The following SENP5 variants were observed in gnomAD, a reference collection of about 807,000 sequenced individuals.
SENP5 encodes sentrin-specific protease 5.
A neutral mutation model predicts 74.2 loss-of-function variants in SENP5; 21 were observed. The observed-to-expected ratio is 0.28, with a 90% CI of 0.20 to 0.41. SENP5 has a LOEUF of 0.41. Ranked by LOEUF, SENP5 falls within the 10% of genes least tolerant of loss-of-function variation. The pLI, the probability that SENP5 is intolerant of heterozygous loss-of-function variation, is 1.00. For synonymous variants in SENP5, 311 were observed against 312.7 expected, an observed-to-expected ratio of 0.99 and a Z score of 0.06; for missense variants, 717 against 889.1, an observed-to-expected ratio of 0.81 and a Z score of 2.46.
At chr3:196,900,272 G>T in intron 4 of SENP5, 93 bp from the exon 5 acceptor site, 1 of 1,243,596 alleles carries the variant, frequency 8.0e-7, no homozygotes. Flanking sequence ...ATTGTATAGG[G>T]TTAGTAGCCT....
chr3:196,889,190 A>T (rs1714103344), intron 2 of SENP5, among the ~76,000 whole-genome samples: 1 of 151,822 alleles, frequency 6.6e-6, no homozygotes. Context: ...AGTCCTAGCA[A>T]ATTAAAAAAA....
intron 7 of SENP5, among the ~76,000 whole-genome samples, chr3:196,925,467 A>G (rs1715778980): frequency 6.6e-6 from 1 of 152,210 alleles, no homozygotes; most frequent in African/African-American, 2.4e-5. Flanking sequence ...TCCTAGACAG[A>G]CCTGCAAAGG....
Position 196,932,800 on chromosome 3 carries a change from G to A in SENP5, c.*1877G>A, listed in dbSNP as rs1004212315. The A allele has an allele frequency of 4.8e-5, 6 of 124,072 alleles. No homozygotes were observed. Among genetic ancestry groups the A allele is most frequent in the African/African-American group, 1.9e-4 (6 of 31,292 alleles). 7.7% of individuals were successfully genotyped at this position (124,072 alleles called of 1,614,324 possible). The stretch of plus-strand genomic sequence containing the variant: ...AAAGTAGCCAGTCACTGGGCTGTCA[G>A]TTCAAAATGTCTTGTACTTCAGAGT... On this transcript the variant is annotated 3_prime_UTR_variant, in exon 10 of 10. Transcript: ENST00000323460.
rs761067843 is a variant in SENP5 at position 196,929,614 on chromosome 3, A to C, written c.2107-19A>C. 4.8e-6 allele frequency: 7 copies of C among 1,470,972 alleles called. No individual in the cohort carries two copies. The highest frequency in any genetic ancestry group is 6.5e-6 in the Non-Finnish European group (7 of 1,070,294). 91.1% of individuals were successfully genotyped at this position (1,470,972 alleles called of 1,614,324 possible). ...AGTAATGGATCTTGTTTTAATGACT[A>C]TTTTGTTTTTCCCTTCAGTGTATTC... On this transcript the variant is annotated intron_variant, in intron 8 of 9. Coordinates refer to ENST00000323460, the MANE Select transcript of SENP5 (RefSeq NM_152699.5).
intron 6 of SENP5, among the ~76,000 whole-genome samples, chr3:196,905,725 C>G (rs150972712): frequency 6.6e-6 from 1 of 152,106 alleles, no homozygotes; most frequent in African/African-American, 2.4e-5. Flanking sequence ...CAGAAGCTCT[C>G]CCAGTGCAGT....
chr3:196,914,605 A>ATATATATG (rs1553825414), intron 6 of SENP5: 6 of 122,486 alleles, frequency 4.9e-5, no homozygotes, highest in African/African-American at 1.6e-4. Flanking sequence ...ATATATATAT[A>ATATATATG]TATATATGTC....
In SENP5 at chr3:196,887,027, C is replaced by T. The variant is rs185287300; in HGVS notation, c.1513+333C>T. 1.1e-4 allele frequency among the ~76,000 whole-genome samples: 16 copies of T among 152,242 alleles called. No individual in the cohort carries two copies. The East Asian group carries it at 2.7e-3, about 26-fold the overall frequency. On this transcript the variant is annotated intron_variant, in intron 2 of 9. Coordinates refer to ENST00000323460, the MANE Select transcript of SENP5 (RefSeq NM_152699.5). Reference sequence around the variant, plus strand: ...TTAAAATTTTAAGATAATTAAGTTACCCTCCAAAAAGTTGAACCAGTTTAC... The same window carrying T: ...TTAAAATTTTAAGATAATTAAGTTATCCTCCAAAAAGTTGAACCAGTTTAC...
chr3:196,903,330 G>A (rs1714776327), intron 5 of SENP5, among the ~76,000 whole-genome samples: 1 of 152,170 alleles, frequency 6.6e-6, no homozygotes, highest in African/African-American at 2.4e-5. Context: ...AGGAGAGACA[G>A]TGTCTCACCA....
chr3:196,893,864 C>T (rs541178866), intron 2 of SENP5, among the ~76,000 whole-genome samples: 3 of 149,578 alleles, frequency 2.0e-5, no homozygotes, highest in Non-Finnish European at 4.4e-5. Flanking sequence ...GAGTTGAGAT[C>T]GCACCACTGC....
intron 7 of SENP5, 30 bp from the exon 8 acceptor site, chr3:196,927,766 G>GC (rs1293805092): frequency 1.5e-6 from 2 of 1,317,786 alleles, no homozygotes; most frequent in Non-Finnish European, 2.2e-6. Flanking sequence ...ATGGAACACA[G>GC]CATCTGTGTT....
intron 7 of SENP5, among the ~76,000 whole-genome samples, 176 bp downstream of exon 7, chr3:196,923,727 T>C (rs1715711171): frequency 6.6e-6 from 1 of 152,200 alleles, no homozygotes; most frequent in Non-Finnish European, 1.5e-5. Context: ...GAGGAGAGGA[T>C]CTGTCTAGGA....
At chr3:196,873,933 C>T (rs1360692636) in intron 1 of SENP5, among the ~76,000 whole-genome samples, 1 of 151,922 alleles carries the variant, frequency 6.6e-6, no homozygotes, top group Non-Finnish European at 1.5e-5. Context: ...AAATTCTTGA[C>T]CTCAAAGGAT....
intron 6 of SENP5, 60 bp downstream of exon 6, chr3:196,903,670 G>T: frequency 9.9e-7 from 1 of 1,012,240 alleles, no homozygotes; most frequent in Non-Finnish European, 1.5e-6. Context: ...ACCACTTTGT[G>T]TGGAAGGATA....
intron 6 of SENP5, among the ~76,000 whole-genome samples, chr3:196,920,316 A>G (rs1715566588): frequency 6.6e-6 from 1 of 152,230 alleles, no homozygotes; most frequent in East Asian, 1.9e-4. Flanking sequence ...TGAATTGGCT[A>G]TGAACAGAAT....
At chr3:196,897,414 C>T (rs1291664472) in intron 2 of SENP5, among the ~76,000 whole-genome samples, 1 of 152,194 alleles carries the variant, frequency 6.6e-6, no homozygotes, top group Non-Finnish European at 1.5e-5. Context: ...GACTATCTTC[C>T]TGTCTACTGT....
At position 196,927,636 on chromosome 3, in the gene SENP5, T is replaced by TAA. The variant is rs10663759; in HGVS notation, c.2023-141_2023-140dup. Among the ~76,000 whole-genome samples, 508 of 136,010 alleles carry TAA rather than the reference T, an allele frequency of 3.7e-3. 1 individual carries two copies. Among genetic ancestry groups the TAA allele is most frequent in the African/African-American group, 8.6e-3 (313 of 36,376 alleles). 89.2% of individuals were successfully genotyped at this position (136,010 alleles called of 152,430 possible). A position where few individuals can be genotyped will look rare whatever the true frequency, so the allele number is the denominator to read the frequency against. On this transcript the variant is annotated intron_variant, in intron 7 of 9. Transcript: ENST00000323460. The stretch of plus-strand genomic sequence containing the variant: ...GGGTGACAGAGCAAGATCCTCTCTT[T>TAA]AAAAAAAAAAAAAAAAAAAATTGTT...
At chr3:196,870,423 A>G (rs1713162400) in intron 1 of SENP5, among the ~76,000 whole-genome samples, 1 of 152,152 alleles carries the variant, frequency 6.6e-6, no homozygotes, top group African/African-American at 2.4e-5. Context: ...TTCCTACTCT[A>G]TTATTAGTAG....
In SENP5 at chr3:196,886,075, C is replaced by T. The variant is rs200404788; in HGVS notation, c.894C>T (p.Asp298=). The part of the protein sequence containing the change: ...CSPFPSPEPK[D]PSCRHQPYFP... ...CATTTCCTTCCCCAGAACCTAAAGA[C>T]CCTTCTTGTCGGCATCAGCCGTACT... The change falls in exon 2 of 10, where the codon GAC becomes GAT. Residue 298 remains aspartate (D), a synonymous_variant. Transcript: ENST00000323460. 4.0e-5 allele frequency: 65 copies of T among 1,614,082 alleles called. No homozygotes were observed. The highest frequency in any genetic ancestry group is 8.5e-6 in the Non-Finnish European group (10 of 1,180,044).
At chr3:196,916,299 C>T (rs979082772) in intron 6 of SENP5, among the ~76,000 whole-genome samples, 5 of 151,872 alleles carry the variant, frequency 3.3e-5, no homozygotes, top group Non-Finnish European at 7.4e-5. Context: ...TGCACTCAAG[C>T]CTGGGTGACA....
Sources: gnomAD v4.1 joint callset for allele counts (sites outside exome capture counted in the v4.1 genomes callset) on GRCh38, gnomAD v4.1.1 for gene constraint, MANE v1.5 for transcripts, NCBI Gene and HGNC (gene_info 2026-07-23, HGNC 2026-07-21) for gene names.